DCUN1D4: variants seen among roughly 807,000 people sequenced by gnomAD.
The protein encoded by DCUN1D4 is DCN1-like protein 4.
Under a neutral mutation model 47.9 loss-of-function variants are expected in DCUN1D4, and 22 were observed. That is an observed-to-expected ratio of 0.46 (90% confidence interval 0.33 to 0.66). The LOEUF (loss-of-function observed/expected upper bound fraction) is 0.66. Ranked by LOEUF, DCUN1D4 falls within the 30% of genes least tolerant of loss-of-function variation. The probability of loss-of-function intolerance (pLI) is 0.02; values close to 1 mark genes in which losing one functional copy is unlikely to be tolerated. For synonymous variants in DCUN1D4, 121 were observed against 112.2 expected (o/e 1.08, Z -0.50); for missense variants, 301 against 340.8 (o/e 0.88, Z 0.92).
In DCUN1D4 at chr4:51,863,791, T is replaced by G. The variant is rs957122769; in HGVS notation, c.136+82T>G. 2.1e-6 allele frequency: 3 copies of G among 1,409,314 alleles called. No homozygotes were observed. In the South Asian group the frequency reaches 3.7e-5, roughly 17 times the overall value. 87.3% of individuals were successfully genotyped at this position (1,409,314 alleles called of 1,614,324 possible). A position where few individuals can be genotyped will look rare whatever the true frequency, so the allele number is the denominator to read the frequency against. On this transcript the variant is annotated intron_variant, in intron 3 of 10. Transcript: ENST00000334635. Reference sequence around the variant, plus strand: ...AGAAATACTAGCTATGAATGCGCTATGTTGTCATAATGTACTCCATTAACA... The same window carrying G: ...AGAAATACTAGCTATGAATGCGCTAGGTTGTCATAATGTACTCCATTAACA...
At chr4:51,905,286 C>T in intron 8 of DCUN1D4, 1 of 444,078 alleles carries the variant, frequency 2.3e-6, no homozygotes, top group Non-Finnish European at 4.6e-6. Context: ...CGAGGAGGGG[C>T]AGCAGCAGGG....
At position 51,847,382 on chromosome 4, in the gene DCUN1D4, A is replaced by G. The variant is rs1722713238; in HGVS notation, c.25+4115A>G. Among the ~76,000 whole-genome samples the G allele has an allele frequency of 3.3e-5, 5 of 152,330 alleles. No individual in the cohort carries two copies. The South Asian group carries it at 1.0e-3, about 32-fold the overall frequency. ...TTTGGCACTGAGCTTTTTAATAGTC[A>G]AAGAAGAGAACAAAACTAATAAATT... On this transcript the variant is annotated intron_variant, in intron 1 of 10. Coordinates refer to ENST00000334635, the MANE Select transcript of DCUN1D4 (RefSeq NM_001040402.3).
chr4:51,889,724 G>T (rs1730127554), intron 6 of DCUN1D4, among the ~76,000 whole-genome samples: 1 of 152,072 alleles, frequency 6.6e-6, no homozygotes, highest in Non-Finnish European at 1.5e-5. Context: ...TAGGTAAATC[G>T]ATATACAAGA....
At chr4:51,889,277 T>C (rs1022040309) in intron 6 of DCUN1D4, among the ~76,000 whole-genome samples, 1 of 152,232 alleles carries the variant, frequency 6.6e-6, no homozygotes, top group Non-Finnish European at 1.5e-5. Flanking sequence ...TTCAGAGACA[T>C]TAACATTTGT....
the DCUN1D4 span, among the ~76,000 whole-genome samples, chr4:51,834,964 C>A: frequency 2.6e-5 from 4 of 152,202 alleles, no homozygotes; most frequent in East Asian, 1.9e-4. Flanking sequence ...AAGGCCCATA[C>A]CCTGATATTG....
At chr4:51,848,239 C>A (rs1243044592) in intron 1 of DCUN1D4, 1 of 1,289,254 alleles carries the variant, frequency 7.8e-7, no homozygotes. Context: ...TGGAGAAATT[C>A]TCAAGGAAAG....
chr4:51,852,898 T>G (rs1435820971), intron 1 of DCUN1D4, among the ~76,000 whole-genome samples: 1 of 152,226 alleles, frequency 6.6e-6, no homozygotes, highest in African/African-American at 2.4e-5. Flanking sequence ...CAGAGCTGAT[T>G]GACATTCTTT....
chr4:51,844,828 G>T, intron 1 of DCUN1D4: 1 of 985,350 alleles, frequency 1.0e-6, no homozygotes, highest in Non-Finnish European at 1.2e-6. Context: ...GGGTGCACGT[G>T]GGTAACTGTG....
intron 5 of DCUN1D4, among the ~76,000 whole-genome samples, chr4:51,880,171 TGAAACTGTAGGTCA>T (rs1266227277): frequency 1.3e-5 from 2 of 152,226 alleles, no homozygotes; most frequent in African/African-American, 4.8e-5. Context: ...CCACATAAAC[TGAAACTGTAGGTCA>T]GTATTAGTCA....
In DCUN1D4 at chr4:51,913,995, TCAGAAAACAA is replaced by T. The variant is rs1734081751; in HGVS notation, c.*412_*421del. On this transcript the variant is annotated 3_prime_UTR_variant, in exon 11 of 11. Transcript: ENST00000334635. ...TTTATTTGGTCTCCTATGTAGCATT[TCAGAAAACAA>T]GAGAAAACTGTTACCATGAACAAAC... The T allele has an allele frequency of 1.3e-5, 2 of 158,130 alleles. No homozygotes were observed. The allele number at this position is 158,130 out of a possible 1,614,324, so 9.8% of individuals were successfully genotyped here. A position where few individuals can be genotyped will look rare whatever the true frequency, so the allele number is the denominator to read the frequency against.
chr4:51,843,287 C>A lies in DCUN1D4; in HGVS notation c.25+20C>A, dbSNP rs1721880549. ...CTGTCAGTGAGTAGCAGAGAGCCAG[C>A]CAGCGGGCCGGGGCCGGGCGGCTGC... On this transcript the variant is annotated intron_variant, in intron 1 of 10. Transcript: ENST00000334635. 3.3e-6 allele frequency: 5 copies of A among 1,525,740 alleles called. No individual in the cohort carries two copies. The highest frequency in any genetic ancestry group is 3.5e-6 in the Non-Finnish European group (4 of 1,137,040). 94.5% of individuals were successfully genotyped at this position (1,525,740 alleles called of 1,614,324 possible).
At chr4:51,872,402 A>G (rs1727031895) in intron 3 of DCUN1D4, among the ~76,000 whole-genome samples, 1 of 152,010 alleles carries the variant, frequency 6.6e-6, no homozygotes, top group South Asian at 2.1e-4. Context: ...CTCACCTCAC[A>G]TCTCTTGTCT....
At chr4:51,893,689 T>C (rs768599703) in intron 7 of DCUN1D4, among the ~76,000 whole-genome samples, 1 of 152,206 alleles carries the variant, frequency 6.6e-6, no homozygotes, top group Non-Finnish European at 1.5e-5. Flanking sequence ...CCCAAGGTGT[T>C]GGGATTACAG....
Position 51,869,921 on chromosome 4 carries a change from A to G in DCUN1D4, c.137-4350A>G, listed in dbSNP as rs574558925. On this transcript the variant is annotated intron_variant, in intron 3 of 10. Coordinates refer to ENST00000334635, the MANE Select transcript of DCUN1D4 (RefSeq NM_001040402.3). ...TCTTGAAACACTGAACCCAAAAGAA[A>G]TGAATCTGAACTTAAATAATAATCT... 1.9e-3 allele frequency among the ~76,000 whole-genome samples: 294 copies of G among 152,314 alleles called. 7 individuals are homozygous for G. Among genetic ancestry groups the G allele is most frequent in the Middle Eastern group, 0.014 (4 of 294 alleles).
chr4:51,852,429 A>G (rs1723510496), intron 1 of DCUN1D4, among the ~76,000 whole-genome samples: 1 of 152,106 alleles, frequency 6.6e-6, no homozygotes, highest in Non-Finnish European at 1.5e-5. Context: ...TTTTTCCTGT[A>G]GGTTAGGGTA....
chr4:51,891,870 T>C lies in DCUN1D4; in HGVS notation c.506+19T>C, dbSNP rs2110067361. 1 of 1,572,756 alleles carries C rather than the reference T, an allele frequency of 6.4e-7. No homozygotes were observed. The highest frequency in any genetic ancestry group is 8.7e-7 in the Non-Finnish European group (1 of 1,152,196). On this transcript the variant is annotated intron_variant, in intron 7 of 10. Transcript: ENST00000334635. ...CTCTCCAGTAAGTCCTAGGCTGCAC[T>C]AGTGGGGGTCCCTGCCCTTCCCAGG...
At chr4:51,876,359 T>C (rs1271829232) in intron 4 of DCUN1D4, among the ~76,000 whole-genome samples, 2 of 151,674 alleles carry the variant, frequency 1.3e-5, no homozygotes, top group East Asian at 3.9e-4. Flanking sequence ...TAGGTGGGAA[T>C]TGAACAATGA....
At chr4:51,869,547 C>A (rs977219567) in intron 3 of DCUN1D4, among the ~76,000 whole-genome samples, 1 of 152,014 alleles carries the variant, frequency 6.6e-6, no homozygotes, top group Non-Finnish European at 1.5e-5. Flanking sequence ...AAAATATATT[C>A]TCTAATTTTG....
At position 51,862,133 on chromosome 4, in the gene DCUN1D4, T is replaced by G. The variant is rs1725165000; in HGVS notation, c.26-1304T>G. On this transcript the variant is annotated intron_variant, in intron 1 of 10. Coordinates refer to ENST00000334635, the MANE Select transcript of DCUN1D4 (RefSeq NM_001040402.3). ...AGAGCTTGAGGCCCTGCTCTGGCTG[T>G]CTCTCAGCACAAAATGCTGGTTTTG... Among the ~76,000 whole-genome samples the G allele has an allele frequency of 2.6e-5, 4 of 152,212 alleles. No individual in the cohort carries two copies. In the South Asian group the frequency reaches 8.3e-4, roughly 31 times the overall value.
Sources: allele counts gnomAD v4.1 joint callset (sites outside exome capture counted in the v4.1 genomes callset), GRCh38; gene constraint gnomAD v4.1.1; transcripts MANE v1.5; gene names NCBI Gene and HGNC (gene_info 2026-07-23, HGNC 2026-07-21).